The following RELL1 variants were observed in gnomAD, a reference collection of about 807,000 sequenced individuals.
The protein encoded by RELL1 is RELT-like protein 1.
A neutral mutation model predicts 23.0 loss-of-function variants in RELL1; 10 were observed. The observed-to-expected ratio is 0.43, with a 90% CI of 0.27 to 0.74. RELL1 has a LOEUF of 0.74. Among genes scored for constraint, RELL1 ranks in the 30% least tolerant of loss-of-function variants. The pLI is 0.19. For missense variants in RELL1, 315 were observed against 364.4 expected (o/e 0.86, Z 1.10); for synonymous variants, 146 against 146.8 (o/e 0.99, Z 0.04).
intron 1 of RELL1, among the ~76,000 whole-genome samples, chr4:37,679,974 C>T (rs1197225484): frequency 1.3e-5 from 2 of 152,002 alleles, no homozygotes; most frequent in African/African-American, 2.4e-5. Flanking sequence ...AAAAACCTCA[C>T]ATTAGTTCAA....
intron 4 of RELL1, 120 bp from the exon 5 acceptor site, chr4:37,635,243 A>T: frequency 2.7e-6 from 2 of 754,608 alleles, no homozygotes; most frequent in Non-Finnish European, 4.3e-6. Flanking sequence ...GCGTCTTCCA[A>T]TTGTACAAAT....
At chr4:37,621,420 C>T (rs948445537) in intron 6 of RELL1, among the ~76,000 whole-genome samples, 2 of 152,008 alleles carry the variant, frequency 1.3e-5, no homozygotes, top group East Asian at 3.9e-4. Context: ...CGCGCCACTG[C>T]ACTCCAGCCT....
chr4:37,671,576 G>A (rs1177090685), intron 1 of RELL1, among the ~76,000 whole-genome samples: 1 of 152,166 alleles, frequency 6.6e-6, no homozygotes, highest in African/African-American at 2.4e-5. Flanking sequence ...GGCAATGTTG[G>A]GAAGTTACCT....
intron 6 of RELL1, among the ~76,000 whole-genome samples, chr4:37,596,390 T>A (rs2940998): frequency 0.75 from 113,311 of 151,732 alleles, 42,765 homozygotes; most frequent in Non-Finnish European, 0.8. Flanking sequence ...TACATCGTTT[T>A]TGTAAGTAAT....
At chr4:37,605,834 A>AG (rs1491162609), downstream of RELL1, among the ~76,000 whole-genome samples, 1 of 122,576 alleles carries the variant, frequency 8.2e-6, no homozygotes, top group Non-Finnish European at 2.0e-5. Flanking sequence ...AAAGAAAGAA[A>AG]GAAAGAAAGA....
At chr4:37,685,827 C>T (rs371003279) in intron 1 of RELL1, among the ~76,000 whole-genome samples, 1 of 152,268 alleles carries the variant, frequency 6.6e-6, no homozygotes, top group East Asian at 1.9e-4. Flanking sequence ...CCGCTCGCGG[C>T]GCCTTTGAGG....
At chr4:37,617,361 C>T (rs144397158) in intron 6 of RELL1, among the ~76,000 whole-genome samples, 314 of 152,290 alleles carry the variant, frequency 2.1e-3, no homozygotes, top group African/African-American at 7.1e-3. Flanking sequence ...GAATTAAATC[C>T]GCTTCCAAAG....
chr4:37,626,372 G>T (rs376063572), intron 6 of RELL1, among the ~76,000 whole-genome samples: 28 of 152,164 alleles, frequency 1.8e-4, no homozygotes, highest in African/African-American at 6.8e-4. Flanking sequence ...CAGCTACTCA[G>T]GAGGCTGTGG....
downstream of RELL1, among the ~76,000 whole-genome samples, chr4:37,608,290 G>A (rs891388191): frequency 4.6e-5 from 7 of 152,160 alleles, no homozygotes; most frequent in African/African-American, 9.7e-5. Context: ...TGATTAAGGC[G>A]TGTCAAAAGC....
chr4:37,590,090 A>C (rs975707457), downstream of RELL1: 6 of 1,608,336 alleles, frequency 3.7e-6, no homozygotes, highest in East Asian at 8.9e-5. Context: ...TCCTGAAGCT[A>C]TCTCTTTGAT....
chr4:37,629,476 TG>T (rs1720052836), intron 6 of RELL1, among the ~76,000 whole-genome samples: 1 of 152,218 alleles, frequency 6.6e-6, no homozygotes, highest in Non-Finnish European at 1.5e-5. Context: ...ACTAGAATAT[TG>T]AATTAACGTT....
At chr4:37,600,048 T>G (rs957810149) in intron 6 of RELL1, among the ~76,000 whole-genome samples, 1 of 152,212 alleles carries the variant, frequency 6.6e-6, no homozygotes, top group Non-Finnish European at 1.5e-5. Context: ...GGCAGGCGCA[T>G]CACTTGATGT....
intron 1 of RELL1, among the ~76,000 whole-genome samples, chr4:37,650,973 T>A (rs3860060): frequency 6.6e-6 from 1 of 150,616 alleles, no homozygotes; most frequent in East Asian, 2.0e-4. Context: ...GTGAGAGGAT[T>A]GCTTGAGCCT....
In RELL1 at chr4:37,611,410, T is replaced by C. The variant is rs1463351250; in HGVS notation, c.*1936A>G. Among the ~76,000 whole-genome samples, 1 of 152,194 alleles carries C rather than the reference T, an allele frequency of 6.6e-6. No individual in the cohort carries two copies. Among genetic ancestry groups the C allele is most frequent in the Non-Finnish European group, 1.5e-5 (1 of 68,026 alleles). On this transcript the variant is annotated 3_prime_UTR_variant, in exon 7 of 7. Transcript: ENST00000454158. ...TATTAGTTGTCAGTAAAAATTCTCA[T>C]GAAACTAAATTCCCCATTTATTTAA... is the stretch of plus-strand genomic sequence containing the variant.
At chr4:37,632,445 T>C (rs4240240) in intron 5 of RELL1, among the ~76,000 whole-genome samples, 47,656 of 152,124 alleles carry the variant, frequency 0.31, 8,194 homozygotes, top group Middle Eastern at 0.41. Context: ...TTTGGGATTA[T>C]AGGCGTGAGC....
At chr4:37,588,607 G>A, downstream of RELL1, 1 of 463,726 alleles carries the variant, frequency 2.2e-6, no homozygotes. Context: ...CCCAGGGTTG[G>A]GAGAAAGGTC....
rs1719422727 is a variant in RELL1, at chr4:37,612,328, A to AAC, written c.*1017_*1018insGT. 2.5e-5 allele frequency among the ~76,000 whole-genome samples: 1 copy of AAC among 39,450 alleles called. No individual in the cohort carries two copies. Among genetic ancestry groups the AAC allele is most frequent in the Non-Finnish European group, 8.8e-5 (1 of 11,384 alleles). 25.9% of individuals were successfully genotyped at this position (39,450 alleles called of 152,430 possible). A position where few individuals can be genotyped will look rare whatever the true frequency, so the allele number is the denominator to read the frequency against. On this transcript the variant is annotated 3_prime_UTR_variant, in exon 7 of 7. Transcript: ENST00000454158. The stretch of plus-strand genomic sequence containing the variant: ...GAATCGCTCAGCTAAAGGTTAAAAA[A>AAC]AAAAAAAAAACAAAAAAAAACAAAA...
intron 6 of RELL1, among the ~76,000 whole-genome samples, chr4:37,595,873 G>A (rs376235743): frequency 3.9e-5 from 6 of 152,068 alleles, no homozygotes; most frequent in East Asian, 3.9e-4. Flanking sequence ...GAGCTTGGCC[G>A]ACCTCGTTTT....
chr4:37,632,462 G>A (rs963875677), intron 5 of RELL1, among the ~76,000 whole-genome samples: 1 of 152,228 alleles, frequency 6.6e-6, no homozygotes, highest in Non-Finnish European at 1.5e-5. Context: ...GAGCCACCAT[G>A]TCTGGCCTAC....
Sources: gnomAD v4.1 joint callset for allele counts (sites outside exome capture counted in the v4.1 genomes callset) on GRCh38, gnomAD v4.1.1 for gene constraint, MANE v1.5 for transcripts, NCBI Gene and HGNC (gene_info 2026-07-23, HGNC 2026-07-21) for gene names.